The following THRA variants were observed in gnomAD, a reference collection of about 807,000 sequenced individuals.
THRA encodes the protein EAR-7.
A neutral mutation model predicts 45.0 loss-of-function variants in THRA; 13 were observed. The ratio of observed to expected loss-of-function variants is 0.29; its 90% confidence interval spans 0.19 to 0.46. The LOEUF (loss-of-function observed/expected upper bound fraction) is 0.46. THRA is among the 20% of genes least tolerant of loss of function. THRA has a pLI of 1.00. For missense variants in THRA, 278 were observed against 556.1 expected (o/e 0.50, Z 5.03); for synonymous variants, 195 against 214.0 (o/e 0.91, Z 0.78).
intron 1 of THRA, among the ~76,000 whole-genome samples, chr17:40,065,917 C>A (rs1986544464): frequency 6.6e-6 from 1 of 152,206 alleles, no homozygotes; most frequent in Admixed American, 6.5e-5. Flanking sequence ...CCACACTGGC[C>A]CAAGCTGGAA....
chr17:40,074,435 G>GC lies in THRA; in HGVS notation c.-51dup. The GC allele has an allele frequency of 1.9e-6, 3 of 1,607,310 alleles. No individual in the cohort carries two copies. The highest frequency in any genetic ancestry group is 2.6e-6 in the Non-Finnish European group (3 of 1,174,514). On this transcript the variant is annotated 5_prime_UTR_variant, in exon 2 of 9. Coordinates refer to ENST00000450525, the MANE Select transcript of THRA (RefSeq NM_199334.5). Reference sequence around the variant, plus strand: ...GTGGGTGTGCCGGGGGGGCCAGTGTGCCCACCCCAGTCTCTTGGCGTGCTG... The same window carrying GC: ...GTGGGTGTGCCGGGGGGGCCAGTGTGCCCCACCCCAGTCTCTTGGCGTGCTG...
At chr17:40,065,794 C>A (rs1394537573) in intron 1 of THRA, among the ~76,000 whole-genome samples, 1 of 151,960 alleles carries the variant, frequency 6.6e-6, no homozygotes, top group East Asian at 1.9e-4. Context: ...TCAGCCACTG[C>A]CCATGCTGAC....
Position 40,076,874 on chromosome 17 carries a change from C to A in THRA, c.57C>A (p.Ala19=). The stretch of plus-strand genomic sequence containing the variant: ...TGCCCACTTTGCCTCCATCCAGTGC[C>A]AGGTCACCAGATGGAAAGCGAAAAA... The part of the protein sequence containing the change: ...ECGSDPEENS[A]RSPDGKRKRK... Residue 19 remains alanine, a synonymous_variant, in exon 3 of 9, where the codon GCC becomes GCA. Coordinates refer to ENST00000450525, the MANE Select transcript of THRA (RefSeq NM_199334.5). 1.2e-6 allele frequency: 2 copies of A among 1,614,066 alleles called. No homozygotes were observed. The highest frequency in any genetic ancestry group is 1.7e-6 in the Non-Finnish European group (2 of 1,179,970).
chr17:40,091,260 ACACACACACACGGACATG>A lies in THRA; in HGVS notation c.*1812_*1829del, dbSNP rs915854623. ...CACACACACACACACACACACACAC[ACACACACACACGGACATG>A]CACACACGGACATGGGAAGGCAATG... On this transcript the variant is annotated 3_prime_UTR_variant, in exon 9 of 9. Transcript: ENST00000450525. The A allele has an allele frequency of 5.3e-5, 8 of 150,900 alleles. No individual in the cohort carries two copies. The highest frequency in any genetic ancestry group is 1.8e-4 in the African/African-American group (7 of 37,984). 9.3% of individuals were successfully genotyped at this position (150,900 alleles called of 1,614,324 possible). A position where few individuals can be genotyped will look rare whatever the true frequency, so the allele number is the denominator to read the frequency against.
intron 1 of THRA, chr17:40,068,798 G>C (rs1172446876): frequency 6.6e-6 from 1 of 152,252 alleles, no homozygotes; most frequent in Non-Finnish European, 1.5e-5. Flanking sequence ...AGCCCCAGCT[G>C]CCTGTTTCTT....
chr17:40,084,003 G>A (rs761487542), intron 5 of THRA, 21 bp downstream of exon 5: 59 of 1,595,256 alleles, frequency 3.7e-5, no homozygotes, highest in Non-Finnish European at 5.0e-5. Flanking sequence ...CAGGTGGAGG[G>A]AATAGAGCCA....
At chr17:40,077,698 T>A in intron 4 of THRA, 90 bp downstream of exon 4, 2 of 409,558 alleles carry the variant, frequency 4.9e-6, no homozygotes, top group Non-Finnish European at 3.8e-6. Context: ...AGGTCATCAC[T>A]TTTTTTTTTT....
At chr17:40,064,943 T>C (rs1305184390) in intron 1 of THRA, among the ~76,000 whole-genome samples, 1 of 152,212 alleles carries the variant, frequency 6.6e-6, no homozygotes, top group African/African-American at 2.4e-5. Flanking sequence ...CTGCAGCCTG[T>C]GCAGCCGAGC....
chr17:40,075,110 GT>G (rs1356627502), intron 2 of THRA, among the ~76,000 whole-genome samples: 2 of 152,278 alleles, frequency 1.3e-5, no homozygotes, highest in African/African-American at 4.8e-5. Context: ...AACCATGATG[GT>G]TTTGCTTCCA....
chr17:40,093,023 A>T (rs201029306), downstream of THRA: 59 of 1,610,114 alleles, frequency 3.7e-5, no homozygotes, highest in Non-Finnish European at 4.8e-5. The surrounding 1 kb of genome is among the most constrained non-coding windows in gnomAD (Gnocchi z 5.9). Flanking sequence ...CGTAAAGGAG[A>T]GAGAAGTGCA....
At chr17:40,075,364 G>A (rs1361412795) in intron 2 of THRA, among the ~76,000 whole-genome samples, 3 of 152,130 alleles carry the variant, frequency 2.0e-5, no homozygotes, top group Admixed American at 6.5e-5. Context: ...ATCAGATCCC[G>A]AGCCAGGAAG....
In THRA at chr17:40,089,584, G is replaced by T; in HGVS notation, c.*128G>T. Reference sequence around the variant, plus strand: ...TTCCTCTCGTCCTTGGATAGATTCAGCTCCCACACACACACCCGCACTGCC... The same window carrying T: ...TTCCTCTCGTCCTTGGATAGATTCATCTCCCACACACACACCCGCACTGCC... On this transcript the variant is annotated 3_prime_UTR_variant, in exon 9 of 9. Coordinates refer to ENST00000450525, the MANE Select transcript of THRA (RefSeq NM_199334.5). The surrounding 1 kb of genome is among the most constrained non-coding windows in gnomAD (Gnocchi z 6.1). The T allele has an allele frequency of 6.8e-7, 1 of 1,462,686 alleles. No individual in the cohort carries two copies. The highest frequency in any genetic ancestry group is 2.5e-5 in the East Asian group (1 of 40,516). The allele number at this position is 1,462,686 out of a possible 1,614,324, so 90.6% of individuals were successfully genotyped here.
chr17:40,071,843 C>T (rs181768165), intron 1 of THRA, among the ~76,000 whole-genome samples: 4 of 152,310 alleles, frequency 2.6e-5, no homozygotes, highest in Non-Finnish European at 5.9e-5. Flanking sequence ...ACCCCAAAGG[C>T]CCAAGTGTGT....
Position 40,092,842 on chromosome 17 carries a change from C to T in THRA, c.*3386C>T, listed in dbSNP as rs1051481979. 2 of 879,450 alleles carry T rather than the reference C, an allele frequency of 2.3e-6. No individual in the cohort carries two copies. The highest frequency in any genetic ancestry group is 3.4e-6 in the Non-Finnish European group (2 of 594,060). The allele number at this position is 879,450 out of a possible 1,614,324, so 54.5% of individuals were successfully genotyped here. The stretch of plus-strand genomic sequence containing the variant: ...GACAGGAACAGAACAAATCAGAGGG[C>T]CAGGGGAGGGTTGTGGGGGAGACAG... On this transcript the variant is annotated 3_prime_UTR_variant, in exon 9 of 9. Transcript: ENST00000450525.
chr17:40,076,786 C>A, intron 2 of THRA, 85 bp from the exon 3 acceptor site: 3 of 1,426,046 alleles, frequency 2.1e-6, no homozygotes, highest in Non-Finnish European at 2.9e-6. Flanking sequence ...AGAATCAGGC[C>A]TTGGGGGATT....
intron 4 of THRA, 123 bp from the exon 5 acceptor site, chr17:40,083,712 C>T: frequency 7.7e-7 from 1 of 1,305,630 alleles, no homozygotes; most frequent in East Asian, 2.6e-5. Flanking sequence ...AGGAGGATGC[C>T]AGGTCCCCTC....
At chr17:40,068,939 G>A (rs1305742412) in intron 1 of THRA, 1 of 152,792 alleles carries the variant, frequency 6.5e-6, no homozygotes, top group Non-Finnish European at 1.5e-5. Context: ...TTGTGCATGT[G>A]TGGGCTGGGG....
At chr17:40,078,238 G>T (rs755718218) in intron 4 of THRA, among the ~76,000 whole-genome samples, 1 of 152,162 alleles carries the variant, frequency 6.6e-6, no homozygotes, top group African/African-American at 2.4e-5. Context: ...CAGCCCTTTG[G>T]GAGGGAGGCC....
At chr17:40,083,708 A>T in intron 4 of THRA, 127 bp from the exon 5 acceptor site, 1 of 1,250,712 alleles carries the variant, frequency 8.0e-7, no homozygotes, top group Non-Finnish European at 1.1e-6. Context: ...TGTCAGGAGG[A>T]TGCCAGGTCC....
Sources: gnomAD v4.1 joint callset for allele counts (sites outside exome capture counted in the v4.1 genomes callset) on GRCh38, gnomAD v4.1.1 for gene constraint, Gnocchi (gnomAD v3.1) non-coding constraint, MANE v1.5 for transcripts, NCBI Gene and HGNC (gene_info 2026-07-23, HGNC 2026-07-21) for gene names.